DTWD2: variants seen among roughly 807,000 people sequenced by gnomAD.
DTWD2 encodes the protein tRNA-uridine aminocarboxypropyltransferase 2.
DTWD2 carries 39 observed loss-of-function variants against 31.8 expected under a neutral mutation model. The observed-to-expected ratio is 1.22, with a 90% CI of 0.95 to 1.60. The LOEUF is 1.60. Ranked by LOEUF, DTWD2 falls within the 40% of genes most tolerant of loss-of-function variation. The pLI, the probability that DTWD2 is intolerant of heterozygous loss-of-function variation, is 0.00. For missense variants in DTWD2, 515 were observed against 381.5 expected (o/e 1.35, Z -2.92); for synonymous variants, 180 against 142.8 (o/e 1.26, Z -1.86).
intron 1 of DTWD2, among the ~76,000 whole-genome samples, chr5:118,985,039 T>C (rs963573064): frequency 6.6e-6 from 1 of 152,154 alleles, no homozygotes. Flanking sequence ...CTTGTTGGGT[T>C]ATAGAGCATT....
In DTWD2 at chr5:118,973,172, G is replaced by C. The variant is rs571593262; in HGVS notation, c.218+15122C>G. 4.0e-5 allele frequency among the ~76,000 whole-genome samples: 6 copies of C among 149,146 alleles called. No individual in the cohort carries two copies. In the East Asian group the frequency reaches 1.2e-3, roughly 30 times the overall value. On this transcript the variant is annotated intron_variant, in intron 1 of 5. Transcript: ENST00000510708. ...TCTTTGCACGTGAGATGGGTCTTCT[G>C]AATACAACACACCAATGGGTCTTGA...
At chr5:118,980,462 G>A (rs1260979497) in intron 1 of DTWD2, among the ~76,000 whole-genome samples, 3 of 152,208 alleles carry the variant, frequency 2.0e-5, no homozygotes, top group Non-Finnish European at 2.9e-5. Flanking sequence ...ATGAAACTGT[G>A]ACAGGCTAAC....
intron 4 of DTWD2, among the ~76,000 whole-genome samples, chr5:118,855,199 C>A (rs190623271): frequency 1.4e-5 from 2 of 146,140 alleles, no homozygotes; most frequent in Admixed American, 1.4e-4. Context: ...CATTTTCGGA[C>A]CTGTAACTTA....
chr5:118,922,886 T>G (rs1753733597), intron 4 of DTWD2, among the ~76,000 whole-genome samples: 1 of 152,176 alleles, frequency 6.6e-6, no homozygotes, highest in African/African-American at 2.4e-5. Flanking sequence ...GATTCTACTC[T>G]GGGAAAGAGA....
At chr5:118,958,550 C>A (rs1754640308) in intron 1 of DTWD2, among the ~76,000 whole-genome samples, 1 of 128,484 alleles carries the variant, frequency 7.8e-6, no homozygotes, top group African/African-American at 2.9e-5. Context: ...TCAGAAATGA[C>A]AAATATAACA....
intron 4 of DTWD2, among the ~76,000 whole-genome samples, chr5:118,913,139 A>C (rs1229013330): frequency 1.3e-5 from 2 of 152,030 alleles, no homozygotes; most frequent in African/African-American, 4.8e-5. Context: ...TGATTGCAAA[A>C]ATTCAAAATA....
rs1325531007 is a variant in DTWD2, at chr5:118,839,713, T to G, written c.*1204A>C. The G allele has an allele frequency of 2.6e-5, 4 of 152,172 alleles. No individual in the cohort carries two copies. Among genetic ancestry groups the G allele is most frequent in the African/African-American group, 7.2e-5 (3 of 41,434 alleles). The allele number at this position is 152,172 out of a possible 1,614,324, so 9.4% of individuals were successfully genotyped here. On this transcript the variant is annotated 3_prime_UTR_variant, in exon 6 of 6. Transcript: ENST00000510708. ...AATCAACAATAGAAGCCAGCACTCT[T>G]TTAATATTTTAAAATATTTTCTGCA...
At chr5:118,981,802 A>C (rs957395843) in intron 1 of DTWD2, among the ~76,000 whole-genome samples, 2 of 152,244 alleles carry the variant, frequency 1.3e-5, no homozygotes, top group African/African-American at 4.8e-5. Flanking sequence ...CAATAATTTA[A>C]AAATTGCTTA....
At chr5:118,852,120 G>A (rs768560767) in intron 4 of DTWD2, among the ~76,000 whole-genome samples, 13 of 152,100 alleles carry the variant, frequency 8.5e-5, no homozygotes, top group South Asian at 2.1e-4. Context: ...TTGCACCTCC[G>A]TTTATAGGCT....
At chr5:118,914,562 A>G (rs560494898) in intron 4 of DTWD2, among the ~76,000 whole-genome samples, 69 of 152,358 alleles carry the variant, frequency 4.5e-4, no homozygotes, top group Middle Eastern at 3.4e-3. Flanking sequence ...AGACATTAAA[A>G]GTAACAGCAA....
chr5:118,944,476 G>A, intron 2 of DTWD2, 83 bp downstream of exon 2: 1 of 1,336,740 alleles, frequency 7.5e-7, no homozygotes, highest in Non-Finnish European at 1.0e-6. Context: ...CTAAAGAGCT[G>A]GTAAGGATAA....
intron 1 of DTWD2, among the ~76,000 whole-genome samples, chr5:118,987,395 T>A (rs995995173): frequency 6.6e-6 from 1 of 152,184 alleles, no homozygotes; most frequent in Non-Finnish European, 1.5e-5. Flanking sequence ...ATGTCCAAAG[T>A]GTGATACTCC....
At chr5:118,907,173 TAGAA>T (rs1242738705) in intron 4 of DTWD2, among the ~76,000 whole-genome samples, 1 of 152,198 alleles carries the variant, frequency 6.6e-6, no homozygotes, top group Non-Finnish European at 1.5e-5. Context: ...TCCTATGAAT[TAGAA>T]AGTTTCCCCA....
chr5:118,949,348 G>A (rs1041827768), intron 1 of DTWD2, among the ~76,000 whole-genome samples: 3 of 152,068 alleles, frequency 2.0e-5, no homozygotes, highest in Non-Finnish European at 4.4e-5. Flanking sequence ...TGGGATGAAG[G>A]GTGCAAAGGA....
At position 118,900,559 on chromosome 5, in the gene DTWD2, T is replaced by C. The variant is rs562522907; in HGVS notation, c.597+27978A>G. 1.6e-3 allele frequency among the ~76,000 whole-genome samples: 238 copies of C among 152,280 alleles called. 2 individuals are homozygous for C. Among genetic ancestry groups the C allele is most frequent in the African/African-American group, 5.5e-3 (229 of 41,560 alleles). ...GTCATATCCTGATATACAAAAAAGA[T>C]AAAGTATTTTGTCTTAAGATAGACT... On this transcript the variant is annotated intron_variant, in intron 4 of 5. Transcript: ENST00000510708.
intron 1 of DTWD2, among the ~76,000 whole-genome samples, chr5:118,980,438 T>C (rs2149603604): frequency 6.6e-6 from 1 of 152,348 alleles, no homozygotes; most frequent in South Asian, 2.1e-4. Context: ...ATTTCATGTC[T>C]TTTGCCAGTG....
chr5:118,838,428 A>G lies in DTWD2; in HGVS notation c.*2489T>C, dbSNP rs1394952056. Reference sequence around the variant, plus strand: ...CAAATATAAAGAATCTGAATTTAAAAGCCAACTAATACAATAAAAAAGTAA... The same window carrying G: ...CAAATATAAAGAATCTGAATTTAAAGGCCAACTAATACAATAAAAAAGTAA... On this transcript the variant is annotated 3_prime_UTR_variant, in exon 6 of 6. Transcript: ENST00000510708. 5.3e-5 allele frequency: 8 copies of G among 152,222 alleles called. No homozygotes were observed. Among genetic ancestry groups the G allele is most frequent in the Admixed American group, 5.2e-4 (8 of 15,282 alleles). The allele number at this position is 152,222 out of a possible 1,614,324, so 9.4% of individuals were successfully genotyped here. A position where few individuals can be genotyped will look rare whatever the true frequency, so the allele number is the denominator to read the frequency against.
chr5:118,860,917 T>A (rs536630034), intron 4 of DTWD2, among the ~76,000 whole-genome samples: 15 of 152,336 alleles, frequency 9.8e-5, no homozygotes, highest in African/African-American at 3.6e-4. Flanking sequence ...TTTCCTGGTT[T>A]ATCTCTTGTC....
chr5:118,968,856 C>CA (rs1308307660), intron 1 of DTWD2, among the ~76,000 whole-genome samples: 1 of 152,214 alleles, frequency 6.6e-6, no homozygotes, highest in Non-Finnish European at 1.5e-5. Context: ...CATGGCACCT[C>CA]ACATGTTAAC....
Sources: gnomAD v4.1 joint callset for allele counts (sites outside exome capture counted in the v4.1 genomes callset) on GRCh38, gnomAD v4.1.1 for gene constraint, MANE v1.5 for transcripts, NCBI Gene and HGNC (gene_info 2026-07-23, HGNC 2026-07-21) for gene names.